Variants in CD276 observed in about 807,000 individuals in gnomAD.
CD276 encodes the protein CD276 molecule.
Under a neutral mutation model 50.0 loss-of-function variants are expected in CD276, and 34 were observed. The observed-to-expected ratio is 0.68, with a 90% CI of 0.52 to 0.91. CD276 has a LOEUF of 0.91. Ranked by LOEUF, CD276 falls within the 40% of genes least tolerant of loss-of-function variation. CD276 has a pLI of 0.00. For missense variants in CD276, 634 were observed against 717.5 expected (o/e 0.88, Z 1.33); for synonymous variants, 275 against 313.0 (o/e 0.88, Z 1.28).
At position 73,713,214 on chromosome 15, in the gene CD276, C is replaced by T. The variant is rs1428928630; in HGVS notation, c.*258C>T. On this transcript the variant is annotated 3_prime_UTR_variant, in exon 10 of 10. Coordinates refer to ENST00000318443, the MANE Select transcript of CD276 (RefSeq NM_001024736.2). Reference sequence around the variant, plus strand: ...ACCTTAGTTCTCTAAGTCATCCTGCCTGCTGCCTTATTTCACAGTACATAC... The same window carrying T: ...ACCTTAGTTCTCTAAGTCATCCTGCTTGCTGCCTTATTTCACAGTACATAC... 1.0e-5 allele frequency: 5 copies of T among 482,848 alleles called. No homozygotes were observed. The highest frequency in any genetic ancestry group is 1.8e-5 in the Non-Finnish European group (5 of 274,366). 29.9% of individuals were successfully genotyped at this position (482,848 alleles called of 1,614,324 possible).
rs202232823 is a variant in CD276 at position 73,702,887 on chromosome 15, G to A, written c.534G>A (p.Trp178Ter). 1.3e-4 allele frequency: 208 copies of A among 1,614,094 alleles called. No homozygotes were observed. Among genetic ancestry groups the A allele is most frequent in the South Asian group, 4.3e-4 (39 of 91,082 alleles). The change falls in exon 4 of 10, where the codon TGG becomes TGA. Residue 178 changes from tryptophan to a stop codon, truncating the protein, a stop_gained. Coordinates refer to ENST00000318443, the MANE Select transcript of CD276 (RefSeq NM_001024736.2). LOFTEE classifies it high-confidence loss of function. ...YQGYPEAEVF[W>*]QDGQGVPLTG... ...GCTACCCTGAGGCTGAGGTGTTCTGGCAGGATGGGCAGGGTGTGCCCCTGA... is the reference window on the plus strand; with the variant it reads ...GCTACCCTGAGGCTGAGGTGTTCTGACAGGATGGGCAGGGTGTGCCCCTGA...
chr15:73,690,049 C>G (rs1167011002), intron 1 of CD276, among the ~76,000 whole-genome samples: 1 of 152,210 alleles, frequency 6.6e-6, no homozygotes, highest in African/African-American at 2.4e-5. Context: ...GTAGCAAACT[C>G]TCACCCTTAT....
chr15:73,704,574 C>A lies in CD276; in HGVS notation c.1369+102C>A. The A allele has an allele frequency of 2.1e-6, 3 of 1,439,112 alleles. No homozygotes were observed. Among genetic ancestry groups the A allele is most frequent in the Non-Finnish European group, 2.8e-6 (3 of 1,074,550 alleles). The allele number at this position is 1,439,112 out of a possible 1,614,324, so 89.1% of individuals were successfully genotyped here. A position where few individuals can be genotyped will look rare whatever the true frequency, so the allele number is the denominator to read the frequency against. On this transcript the variant is annotated intron_variant, in intron 6 of 9. Transcript: ENST00000318443. The surrounding 1 kb of genome is among the most constrained non-coding windows in gnomAD (Gnocchi z 4.1). Reference sequence around the variant, plus strand: ...TAGGTTTGGGTGGCCAGAAGACTTTCAAAATCCCTTTCATAGACTTCAGGT... The same window carrying A: ...TAGGTTTGGGTGGCCAGAAGACTTTAAAAATCCCTTTCATAGACTTCAGGT...
At chr15:73,686,382 CTCTTCAGCTCT>C in intron 1 of CD276, 1 of 736,432 alleles carries the variant, frequency 1.4e-6, no homozygotes, top group Non-Finnish European at 1.7e-6. Flanking sequence ...TTCCTGTCCC[CTCTTCAGCTCT>C]GTCCAGGCAC....
At chr15:73,696,676 GTACCT>G (rs2141551011) in intron 1 of CD276, among the ~76,000 whole-genome samples, 1 of 152,294 alleles carries the variant, frequency 6.6e-6, no homozygotes, top group African/African-American at 2.4e-5. Flanking sequence ...TCTGCTCCCT[GTACCT>G]GCCCAGAGTG....
At chr15:73,692,738 T>C (rs1016922477) in intron 1 of CD276, among the ~76,000 whole-genome samples, 1 of 152,238 alleles carries the variant, frequency 6.6e-6, no homozygotes, top group African/African-American at 2.4e-5. Flanking sequence ...GCATGGCCAA[T>C]GCCTGGCATG....
chr15:73,703,272 C>A (rs1468194625), intron 4 of CD276, among the ~76,000 whole-genome samples, 186 bp downstream of exon 4: 1 of 152,126 alleles, frequency 6.6e-6, no homozygotes, highest in Non-Finnish European at 1.5e-5. Flanking sequence ...AAATCACAGG[C>A]CTTCTTAAGG....
chr15:73,689,202 G>A (rs915904073), intron 1 of CD276, among the ~76,000 whole-genome samples: 1 of 151,606 alleles, frequency 6.6e-6, no homozygotes, highest in East Asian at 1.9e-4. Flanking sequence ...GTGTGTGTGT[G>A]TGTGTGTGTG....
chr15:73,700,881 T>TCCCCCTCC (rs1900352003), intron 2 of CD276, among the ~76,000 whole-genome samples: 1 of 60,894 alleles, frequency 1.6e-5, no homozygotes, highest in Non-Finnish European at 3.2e-5. Context: ...GGGGGTTCGC[T>TCCCCCTCC]TCCCCTCCTC....
chr15:73,701,998 C>T lies in CD276; in HGVS notation c.80-257C>T, dbSNP rs370059757. On this transcript the variant is annotated intron_variant, in intron 2 of 9. Transcript: ENST00000318443. Reference sequence around the variant, plus strand: ...TCTGTGTGCCCATTTGTCTCTCTCTCCCATTAAAATGTAAGTTCTGTGGGG... The same window carrying T: ...TCTGTGTGCCCATTTGTCTCTCTCTTCCATTAAAATGTAAGTTCTGTGGGG... Among the ~76,000 whole-genome samples the T allele has an allele frequency of 2.0e-4, 31 of 152,364 alleles. No homozygotes were observed. In the South Asian group the frequency reaches 6.0e-3, roughly 30 times the overall value.
chr15:73,691,868 TG>T (rs1900000480), intron 1 of CD276, among the ~76,000 whole-genome samples: 1 of 152,188 alleles, frequency 6.6e-6, no homozygotes, highest in African/African-American at 2.4e-5. Context: ...CTGTTTTAAC[TG>T]TATTTGTCTT....
chr15:73,688,745 G>A (rs949838827), intron 1 of CD276, among the ~76,000 whole-genome samples: 2 of 152,200 alleles, frequency 1.3e-5, no homozygotes, highest in East Asian at 3.9e-4. Context: ...AGGCCTTCTA[G>A]CTCTGAGGAC....
chr15:73,699,652 C>A lies in CD276; in HGVS notation c.13C>A (p.Arg5=). 1 of 1,613,494 alleles carries A rather than the reference C, an allele frequency of 6.2e-7. No homozygotes were observed. The highest frequency in any genetic ancestry group is 8.5e-7 in the Non-Finnish European group (1 of 1,179,788). ...GCCTCACAGGAAGATGCTGCGTCGG[C>A]GGGGCAGCCCTGGCATGGGTGTGCA... MLRR[R]GSPGMGVHVG... The change falls in exon 2 of 10, where the codon CGG becomes AGG. Residue 5 remains arginine (R), a synonymous_variant. Coordinates refer to ENST00000318443, the MANE Select transcript of CD276 (RefSeq NM_001024736.2).
Position 73,711,214 on chromosome 15 carries a change from T to C in CD276, c.1582+44T>C, listed in dbSNP as rs1214969544. 1.9e-6 allele frequency: 3 copies of C among 1,591,980 alleles called. No individual in the cohort carries two copies. In the South Asian group the frequency reaches 3.3e-5, roughly 18 times the overall value. On this transcript the variant is annotated intron_variant, in intron 9 of 9. Coordinates refer to ENST00000318443, the MANE Select transcript of CD276 (RefSeq NM_001024736.2). ...GAGGTTGTGTCTGTGTATGCACACA[T>C]CTGTGTGTGAGAGGCTGAGAGGGTG...
rs768034811 is a variant in CD276 at position 73,699,673 on chromosome 15, G to T, written c.34G>T (p.Val12Leu). The T allele has an allele frequency of 1.9e-6, 3 of 1,612,904 alleles. No homozygotes were observed. Among genetic ancestry groups the T allele is most frequent in the Non-Finnish European group, 1.7e-6 (2 of 1,179,388 alleles). ...LRRRGSPGMG[V>L]HVGAALGALW... is the part of the protein sequence containing the mutation. ...TCGGCGGGGCAGCCCTGGCATGGGT[G>T]TGCATGTGGGTGCAGCCCTGGGAGC... The change falls in exon 2 of 10, where the codon GTG (valine) becomes TTG (leucine). Residue 12 changes from valine to leucine, a missense_variant. Coordinates refer to ENST00000318443, the MANE Select transcript of CD276 (RefSeq NM_001024736.2).
chr15:73,703,910 C>T lies in CD276; in HGVS notation c.985C>T (p.Arg329Cys), dbSNP rs1446179438. The change falls in exon 5 of 10, where the codon CGC becomes TGC. Residue 329 changes from arginine to cysteine, a missense_variant. Arg to Cys is a radical substitution (Grantham distance 180). Coordinates refer to ENST00000318443, the MANE Select transcript of CD276 (RefSeq NM_001024736.2). ...AQGNASLRLQ[R>C]VRVADEGSFT... Reference sequence around the variant, plus strand: ...AGGCAATGCATCCCTGAGGCTGCAGCGCGTGCGTGTGGCGGACGAGGGCAG... The same window carrying T: ...AGGCAATGCATCCCTGAGGCTGCAGTGCGTGCGTGTGGCGGACGAGGGCAG... The T allele has an allele frequency of 6.2e-6, 10 of 1,613,508 alleles. No homozygotes were observed. The highest frequency in any genetic ancestry group is 3.3e-5 in the Admixed American group (2 of 60,010).
chr15:73,713,666 G>A lies in CD276; in HGVS notation c.*710G>A, dbSNP rs1434968518. ...AGGTGCACGTGCTGGAACACGTGTGGTTCCCCCCTGGCCCAGCCTCCTCTG... is the reference window on the plus strand; with the variant it reads ...AGGTGCACGTGCTGGAACACGTGTGATTCCCCCCTGGCCCAGCCTCCTCTG... On this transcript the variant is annotated 3_prime_UTR_variant, in exon 10 of 10. Transcript: ENST00000318443. 2.5e-6 allele frequency: 1 copy of A among 398,592 alleles called. No individual in the cohort carries two copies. The highest frequency in any genetic ancestry group is 4.9e-6 in the Non-Finnish European group (1 of 205,984). The allele number at this position is 398,592 out of a possible 1,614,324, so 24.7% of individuals were successfully genotyped here. A position where few individuals can be genotyped will look rare whatever the true frequency, so the allele number is the denominator to read the frequency against.
Position 73,704,127 on chromosome 15 carries a change from C to G in CD276, c.1073-49C>G, listed in dbSNP as rs941216324. 51 of 1,589,902 alleles carry G rather than the reference C, an allele frequency of 3.2e-5. No homozygotes were observed. The highest frequency in any genetic ancestry group is 1.7e-4 in the Middle Eastern group (1 of 6,008). On this transcript the variant is annotated intron_variant, in intron 5 of 9. Coordinates refer to ENST00000318443, the MANE Select transcript of CD276 (RefSeq NM_001024736.2). The surrounding 1 kb of genome is among the most constrained non-coding windows in gnomAD (Gnocchi z 4.1). ...GTACTCAGCCCCATGCATCCTTTTC[C>G]TCCCCTGCCATTGCCCTGCCCTTGA... is the stretch of plus-strand genomic sequence containing the variant.
intron 4 of CD276, among the ~76,000 whole-genome samples, 189 bp downstream of exon 4, chr15:73,703,275 T>C (rs1900492133): frequency 6.6e-6 from 1 of 152,094 alleles, no homozygotes; most frequent in Non-Finnish European, 1.5e-5. Context: ...TCACAGGCCT[T>C]CTTAAGGCTC....
Sources: gnomAD v4.1 joint callset for allele counts (sites outside exome capture counted in the v4.1 genomes callset) on GRCh38, gnomAD v4.1.1 for gene constraint, Gnocchi (gnomAD v3.1) non-coding constraint, MANE v1.5 for transcripts, NCBI Gene and HGNC (gene_info 2026-07-23, HGNC 2026-07-21) for gene names.